TRDN: variants seen among roughly 807,000 people sequenced by gnomAD.
The protein encoded by TRDN is triadin in skeletal muscle.
In TRDN, 161 loss-of-function variants were observed where a neutral mutation model predicts 149.7. The ratio of observed to expected loss-of-function variants is 1.08; its 90% CI spans 0.95 to 1.23. TRDN has a LOEUF of 1.23. Ranked by LOEUF, TRDN falls within the 50% of genes most tolerant of loss-of-function variation. The pLI, the probability that TRDN is intolerant of heterozygous loss-of-function variation, is 0.00. For synonymous variants in TRDN, 294 were observed against 250.5 expected, an observed-to-expected ratio of 1.17 and a Z score of -1.64; for missense variants, 896 against 823.5, an observed-to-expected ratio of 1.09 and a Z score of -1.08.
chr6:123,378,780 A>G (rs1480340204), intron 16 of TRDN, among the ~76,000 whole-genome samples: 1 of 152,214 alleles, frequency 6.6e-6, no homozygotes, highest in Non-Finnish European at 1.5e-5. Context: ...AAGAAGTTTC[A>G]GGGTAAAACA....
chr6:123,606,734 A>C (rs955849977), intron 1 of TRDN, among the ~76,000 whole-genome samples: 1 of 152,166 alleles, frequency 6.6e-6, no homozygotes, highest in Non-Finnish European at 1.5e-5. Flanking sequence ...TATTTTAAAA[A>C]CTTTTATTAT....
chr6:123,547,486 A>G (rs1281886792), intron 3 of TRDN, 114 bp from the exon 4 acceptor site: 3 of 610,640 alleles, frequency 4.9e-6, no homozygotes, highest in East Asian at 3.5e-5. Context: ...TTTAACAATC[A>G]TAGTCTTTAC....
At chr6:123,450,034 T>C (rs1328701162) in intron 10 of TRDN, among the ~76,000 whole-genome samples, 2 of 152,154 alleles carry the variant, frequency 1.3e-5, no homozygotes, top group African/African-American at 4.8e-5. Context: ...AATTCGCCAT[T>C]ACCAAGCCAC....
chr6:123,341,344 A>G (rs1021915946), intron 21 of TRDN, among the ~76,000 whole-genome samples: 9 of 151,840 alleles, frequency 5.9e-5, no homozygotes, highest in African/African-American at 2.2e-4. Flanking sequence ...TTTGTATTCT[A>G]TTGGGCTAAA....
rs1267231415 is a variant in TRDN, at chr6:123,522,593, A to G, written c.485-6387T>C. 6.2e-5 allele frequency among the ~76,000 whole-genome samples: 8 copies of G among 128,286 alleles called. No individual in the cohort carries two copies. The South Asian group carries it at 1.9e-3, about 30-fold the overall frequency. The allele number at this position is 128,286 out of a possible 152,430, so 84.2% of individuals were successfully genotyped here. A position where few individuals can be genotyped will look rare whatever the true frequency, so the allele number is the denominator to read the frequency against. ...GTACTATTATAATTTTAGTTGTTTC[A>G]GTGTGGGTGTTTTCAGATTACATAT... On this transcript the variant is annotated intron_variant, in intron 5 of 40. Transcript: ENST00000334268.
chr6:123,388,862 C>A (rs1035083911), intron 13 of TRDN, among the ~76,000 whole-genome samples: 1 of 152,044 alleles, frequency 6.6e-6, no homozygotes, highest in Non-Finnish European at 1.5e-5. Context: ...GAGGAAACCA[C>A]AATCTCTTCT....
intron 24 of TRDN, among the ~76,000 whole-genome samples, chr6:123,316,251 A>G (rs894485170): frequency 3.3e-5 from 5 of 151,934 alleles, no homozygotes; most frequent in African/African-American, 9.7e-5. Flanking sequence ...CTGCTACCAG[A>G]AAGCAAGGAA....
intron 9 of TRDN, among the ~76,000 whole-genome samples, chr6:123,481,983 T>C (rs1323877255): frequency 6.6e-6 from 1 of 152,212 alleles, no homozygotes; most frequent in African/African-American, 2.4e-5. Context: ...TCTGTTAAAC[T>C]ATTTCCATAC....
intron 24 of TRDN, among the ~76,000 whole-genome samples, chr6:123,282,766 G>A (rs1777630797): frequency 6.6e-6 from 1 of 151,764 alleles, no homozygotes. Context: ...TTCCTCAACA[G>A]AGATTTATTA....
intron 14 of TRDN, among the ~76,000 whole-genome samples, 172 bp from the exon 15 acceptor site, chr6:123,382,319 T>C (rs1036923129): frequency 2.6e-5 from 4 of 151,620 alleles, no homozygotes; most frequent in Non-Finnish European, 1.5e-5. Flanking sequence ...TGGGAATAAG[T>C]ATTAGAGTGA....
chr6:123,313,903 C>T (rs911482957), intron 24 of TRDN, among the ~76,000 whole-genome samples: 4 of 151,924 alleles, frequency 2.6e-5, no homozygotes, highest in African/African-American at 9.7e-5. Flanking sequence ...GCCTGGAAGA[C>T]AACAGAGGCA....
chr6:123,413,980 T>C (rs1773546276), intron 12 of TRDN, among the ~76,000 whole-genome samples: 1 of 152,072 alleles, frequency 6.6e-6, no homozygotes, highest in Non-Finnish European at 1.5e-5. Context: ...GGGTAACTAG[T>C]TTTCTCTTGC....
At chr6:123,546,189 G>A (rs113169575) in intron 4 of TRDN, among the ~76,000 whole-genome samples, 3,319 of 152,142 alleles carry the variant, frequency 0.022, 119 homozygotes, top group African/African-American at 0.076. Context: ...GCTGAAGTCT[G>A]TCTTGAGTAC....
intron 12 of TRDN, among the ~76,000 whole-genome samples, chr6:123,404,628 G>C (rs575690188): frequency 5.9e-5 from 9 of 152,038 alleles, no homozygotes; most frequent in Non-Finnish European, 1.2e-4. Context: ...CTATTAAATA[G>C]AGATGGGGTT....
rs1383954968 is a variant in TRDN, at chr6:123,382,108, T to C, written c.1165+10A>G. 1.6e-5 allele frequency: 23 copies of C among 1,477,686 alleles called. No individual in the cohort carries two copies. The highest frequency in any genetic ancestry group is 5.2e-5 in the Admixed American group (2 of 38,472). 91.5% of individuals were successfully genotyped at this position (1,477,686 alleles called of 1,614,324 possible). On this transcript the variant is annotated intron_variant, in intron 15 of 40. Transcript: ENST00000334268. ...AACATAAGGCAGAAAAAAAGAAATA[T>C]GTCCAGTACCTTCTGCAGGTTTTTT... is the stretch of plus-strand genomic sequence containing the variant.
At chr6:123,425,292 G>A (rs1160677854) in intron 12 of TRDN, among the ~76,000 whole-genome samples, 2 of 149,924 alleles carry the variant, frequency 1.3e-5, no homozygotes, top group African/African-American at 2.5e-5. Context: ...TGTAGATGAG[G>A]GGTGTTGTTG....
chr6:123,321,633 C>G (rs1196950931), intron 23 of TRDN, among the ~76,000 whole-genome samples: 1 of 152,038 alleles, frequency 6.6e-6, no homozygotes, highest in Non-Finnish European at 1.5e-5. Context: ...TGCACACACA[C>G]ACACTCACAC....
intron 2 of TRDN, among the ~76,000 whole-genome samples, chr6:123,566,408 T>C (rs1000268596): frequency 2.0e-5 from 3 of 152,110 alleles, no homozygotes; most frequent in East Asian, 1.9e-4. Flanking sequence ...GTAGCAAATA[T>C]ATGCATAAAT....
intron 1 of TRDN, among the ~76,000 whole-genome samples, chr6:123,590,969 A>C (rs1036427034): frequency 7.9e-5 from 12 of 152,162 alleles, no homozygotes; most frequent in African/African-American, 2.9e-4. Flanking sequence ...TTTATTGAGT[A>C]GCCCAAGCGC....
Sources: gnomAD v4.1 joint callset for allele counts (sites outside exome capture counted in the v4.1 genomes callset) on GRCh38, gnomAD v4.1.1 for gene constraint, MANE v1.5 for transcripts, NCBI Gene and HGNC (gene_info 2026-07-23, HGNC 2026-07-21) for gene names.